KMT5B: variants seen among roughly 807,000 people sequenced by gnomAD.
KMT5B encodes lysine methyltransferase 5B.
In KMT5B, 10 loss-of-function variants were observed where a neutral mutation model predicts 83.2. That is an observed-to-expected ratio of 0.12 (90% CI 0.07 to 0.20). The LOEUF (loss-of-function observed/expected upper bound fraction) is 0.20, where lower values mean the gene tolerates loss of function less well. Ranked by LOEUF, KMT5B falls within the 10% of genes least tolerant of loss-of-function variation. The pLI is 1.00. For missense variants in KMT5B, 753 were observed against 1,067.2 expected (o/e 0.71, Z 4.10); for synonymous variants, 349 against 388.8 (o/e 0.90, Z 1.20).
At chr11:68,204,057 T>TA (rs1350126975) in intron 1 of KMT5B, among the ~76,000 whole-genome samples, 2 of 152,212 alleles carry the variant, frequency 1.3e-5, no homozygotes, top group Admixed American at 1.3e-4. Flanking sequence ...CAGGTGGTAA[T>TA]GCCCTCACTC....
intron 3 of KMT5B, among the ~76,000 whole-genome samples, chr11:68,185,190 C>T (rs146168967): frequency 1.3e-5 from 2 of 151,978 alleles, no homozygotes; most frequent in East Asian, 3.9e-4. Flanking sequence ...TTTTTCTTTT[C>T]GCTAAGATAA....
chr11:68,158,625 T>C lies in KMT5B; in HGVS notation c.1721A>G (p.Asp574Gly). 6.2e-7 allele frequency: 1 copy of C among 1,614,198 alleles called. No homozygotes were observed. The change falls in exon 11 of 11, where the codon GAC (aspartate) becomes GGC (glycine). Residue 574 changes from aspartate to glycine, a missense_variant. Around this residue, in one of 9 missense-constraint regions of KMT5B, gnomAD observed 397 missense variants for 395.9 expected, o/e 1.00. Coordinates refer to ENST00000304363, the MANE Select transcript of KMT5B (RefSeq NM_017635.5). Reference sequence around the variant, plus strand: ...AGCTGGCTGCAGCTGTTCACCACTGTCGGGGCAAGGTTCCGTCACACTGCT... The same window carrying C: ...AGCTGGCTGCAGCTGTTCACCACTGCCGGGGCAAGGTTCCGTCACACTGCT... ...YKSSVTEPCP[D>G]SGEQLQPAPV...
intron 2 of KMT5B, among the ~76,000 whole-genome samples, chr11:68,188,493 T>C (rs1023524543): frequency 3.3e-5 from 5 of 151,932 alleles, no homozygotes; most frequent in Non-Finnish European, 7.4e-5. Context: ...ACCATAGACA[T>C]GCAACACCAT....
intron 10 of KMT5B, chr11:68,164,621 C>G (rs773283505): frequency 1.2e-5 from 6 of 508,228 alleles, no homozygotes; most frequent in Non-Finnish European, 2.4e-5. Flanking sequence ...CCATGCCTAT[C>G]CACTCTGCCC....
chr11:68,197,373 G>A (rs1858851430), intron 1 of KMT5B, among the ~76,000 whole-genome samples: 1 of 152,170 alleles, frequency 6.6e-6, no homozygotes, highest in Non-Finnish European at 1.5e-5. Context: ...ACCTCCAGGT[G>A]ATGCAAGCTC....
In KMT5B at chr11:68,165,905, C is replaced by T. The variant is rs1396150902; in HGVS notation, c.1174+1077G>A. ...TAGATTCAGGAATTCATGGCAGTGACATTCACCATCATGGGAAACACCTTC... is the reference window on the plus strand; with the variant it reads ...TAGATTCAGGAATTCATGGCAGTGATATTCACCATCATGGGAAACACCTTC... On this transcript the variant is annotated intron_variant, in intron 10 of 10. Transcript: ENST00000304363. 2.5e-6 allele frequency: 4 copies of T among 1,612,786 alleles called. No homozygotes were observed. In the African/African-American group the frequency reaches 4.0e-5, roughly 16 times the overall value.
In KMT5B at chr11:68,167,134, G is replaced by A; in HGVS notation, c.1022C>T (p.Pro341Leu). ...ATATTTGCTATTGATAACAGGAGCA[G>A]GCGCAGGCAGTCCCACTCTGGATTT... ...AFKSRVGLPAPAPVINSKYGL... is the reference protein window; with the variant it reads ...AFKSRVGLPALAPVINSKYGL... Residue 341 changes from proline to leucine, a missense_variant, in exon 10 of 11, where the codon CCT becomes CTT. Transcript: ENST00000304363. The A allele has an allele frequency of 6.2e-7, 1 of 1,613,712 alleles. No homozygotes were observed. The highest frequency in any genetic ancestry group is 8.5e-7 in the Non-Finnish European group (1 of 1,179,836).
intron 3 of KMT5B, 38 bp downstream of exon 3, chr11:68,185,743 A>C (rs1857383357): frequency 6.5e-7 from 1 of 1,548,318 alleles, no homozygotes; most frequent in African/African-American, 1.4e-5. Flanking sequence ...AATTCAACAT[A>C]ATCATCTGTT....
intron 1 of KMT5B, 109 bp from the exon 2 acceptor site, chr11:68,190,261 T>C (rs1051644253): frequency 1.7e-6 from 1 of 590,508 alleles, no homozygotes. Flanking sequence ...AGGACAGTCA[T>C]TCACAGTATA....
chr11:68,189,238 C>T (rs574104293), intron 2 of KMT5B, among the ~76,000 whole-genome samples: 1 of 152,300 alleles, frequency 6.6e-6, no homozygotes, highest in Admixed American at 6.5e-5. Flanking sequence ...CATATAGCTG[C>T]CTAGTTAGGT....
At chr11:68,165,691 C>T in intron 10 of KMT5B, 1 of 1,338,246 alleles carries the variant, frequency 7.5e-7, no homozygotes, top group Non-Finnish European at 9.6e-7. Context: ...TCCAGTTTCA[C>T]CAAGGAACCA....
At chr11:68,168,495 C>G (rs928817276) in intron 9 of KMT5B, among the ~76,000 whole-genome samples, 1 of 152,098 alleles carries the variant, frequency 6.6e-6, no homozygotes, top group African/African-American at 2.4e-5. Flanking sequence ...ACCACCACAT[C>G]TGGCTAATTT....
intron 1 of KMT5B, among the ~76,000 whole-genome samples, chr11:68,201,088 G>A (rs1399530803): frequency 6.6e-6 from 1 of 152,112 alleles, no homozygotes; most frequent in Non-Finnish European, 1.5e-5. Context: ...TGTATTTAAA[G>A]GGGAAAAGAT....
At chr11:68,179,662 G>C in intron 4 of KMT5B, 10 of 1,193,476 alleles carry the variant, frequency 8.4e-6, no homozygotes, top group Non-Finnish European at 1.1e-5. Flanking sequence ...AAGGGAGACA[G>C]GGAAGGAGAG....
chr11:68,180,277 T>TA, intron 3 of KMT5B, 77 bp from the exon 4 acceptor site: 1 of 1,503,068 alleles, frequency 6.7e-7, no homozygotes, highest in Non-Finnish European at 9.0e-7. Context: ...TAAACAGACT[T>TA]ACAATATTCG....
At chr11:68,200,554 C>CGA (rs577779079) in intron 1 of KMT5B, among the ~76,000 whole-genome samples, 2 of 151,470 alleles carry the variant, frequency 1.3e-5, no homozygotes, top group Non-Finnish European at 1.5e-5. Flanking sequence ...ATATCAGGAA[C>CGA]GAGAGAGAGA....
chr11:68,210,194 T>C (rs1040515875), intron 1 of KMT5B, among the ~76,000 whole-genome samples: 2 of 152,082 alleles, frequency 1.3e-5, no homozygotes, highest in Non-Finnish European at 2.9e-5. Flanking sequence ...TAAGACAGCT[T>C]ATAGAAATGC....
chr11:68,204,397 T>C (rs1859811603), intron 1 of KMT5B, among the ~76,000 whole-genome samples: 1 of 152,292 alleles, frequency 6.6e-6, no homozygotes, highest in Middle Eastern at 3.4e-3. Flanking sequence ...AATGACTTTA[T>C]AAGAGGCAGA....
intron 9 of KMT5B, among the ~76,000 whole-genome samples, chr11:68,168,801 C>T (rs563854440): frequency 7.3e-4 from 111 of 152,300 alleles, no homozygotes; most frequent in African/African-American, 2.6e-3. Context: ...CACTTCTTCA[C>T]GGAGCCTCTT....
Sources: allele counts gnomAD v4.1 joint callset (sites outside exome capture counted in the v4.1 genomes callset), GRCh38; gene constraint gnomAD v4.1.1; regional missense constraint gnomAD v4.1.1; transcripts MANE v1.5; gene names NCBI Gene and HGNC (gene_info 2026-07-23, HGNC 2026-07-21).